The following WDR59 variants were observed in gnomAD, a reference collection of about 807,000 sequenced individuals.
The protein encoded by WDR59 is GATOR2 complex protein WDR59.
A neutral mutation model predicts 131.2 loss-of-function variants in WDR59; 100 were observed. The ratio of observed to expected loss-of-function variants is 0.76; its 90% CI spans 0.65 to 0.90. The LOEUF is 0.90. Among genes scored for constraint, WDR59 ranks in the 40% least tolerant of loss-of-function variants. The pLI is 0.00. For synonymous variants in WDR59, 601 were observed against 466.2 expected (o/e 1.29, Z -3.72); for missense variants, 1,203 against 1,262.2 (o/e 0.95, Z 0.71).
rs76833323 is a variant in WDR59, at chr16:74,875,204, G to A, written c.2690-760C>T. 6.1e-3 allele frequency among the ~76,000 whole-genome samples: 931 copies of A among 152,312 alleles called. 10 individuals are homozygous for A. The highest frequency in any genetic ancestry group is 0.021 in the African/African-American group (878 of 41,564). ...CAGGACACCGGGATGCCGCTCCACC[G>A]CCGGGCGGGGACTGGTTCCACTGGG... On this transcript the variant is annotated intron_variant, in intron 25 of 25. Transcript: ENST00000262144.
chr16:74,888,402 C>T lies in WDR59; in HGVS notation c.2196-83G>A, dbSNP rs1009945703. On this transcript the variant is annotated intron_variant, in intron 21 of 25. Coordinates refer to ENST00000262144, the MANE Select transcript of WDR59 (RefSeq NM_030581.4). ...CGGTCACAGTCATGGCGTGTTACTG[C>T]CACAGGGGTGGGAAGGGAGGAGTCT... The T allele has an allele frequency of 2.8e-6, 4 of 1,404,236 alleles. No individual in the cohort carries two copies. In the African/African-American group the frequency reaches 4.4e-5, roughly 15 times the overall value. 87.0% of individuals were successfully genotyped at this position (1,404,236 alleles called of 1,614,324 possible).
intron 18 of WDR59, among the ~76,000 whole-genome samples, chr16:74,897,660 C>T (rs767419492): frequency 2.6e-5 from 4 of 152,128 alleles, no homozygotes; most frequent in Non-Finnish European, 4.4e-5. Context: ...GGAGGTTCCC[C>T]AACAAAGGAT....
intron 4 of WDR59, among the ~76,000 whole-genome samples, chr16:74,950,702 G>A (rs548734597): frequency 2.9e-4 from 44 of 152,240 alleles, no homozygotes; most frequent in Middle Eastern, 3.4e-3. Context: ...ACTGGGAGGC[G>A]GCTGTGCCCT....
chr16:74,894,323 T>C (rs1457002353), intron 18 of WDR59, among the ~76,000 whole-genome samples: 1 of 152,132 alleles, frequency 6.6e-6, no homozygotes, highest in Non-Finnish European at 1.5e-5. Flanking sequence ...TTGAGGAGAA[T>C]TACCCCGTTT....
At chr16:74,961,169 C>T (rs962894939) in intron 2 of WDR59, among the ~76,000 whole-genome samples, 4 of 151,570 alleles carry the variant, frequency 2.6e-5, no homozygotes, top group Non-Finnish European at 5.9e-5. Context: ...GCCAGACAGG[C>T]GTGGTGGTAC....
intron 6 of WDR59, among the ~76,000 whole-genome samples, chr16:74,945,732 T>C (rs1311430984): frequency 2.0e-5 from 3 of 151,426 alleles, no homozygotes; most frequent in African/African-American, 4.9e-5. Flanking sequence ...TATCCGCGGG[T>C]CCACCTTCTA....
intron 8 of WDR59, among the ~76,000 whole-genome samples, chr16:74,927,756 TTGG>T (rs2030978805): frequency 6.7e-6 from 1 of 149,766 alleles, no homozygotes; most frequent in Non-Finnish European, 1.5e-5. Flanking sequence ...AGGGACACAC[TTGG>T]TGGCAGCAAG....
At chr16:74,981,052 G>A (rs2034382800) in intron 1 of WDR59, among the ~76,000 whole-genome samples, 1 of 139,234 alleles carries the variant, frequency 7.2e-6, no homozygotes, top group African/African-American at 2.6e-5. Flanking sequence ...AGAACGTAAA[G>A]CCCCATCTCT....
intron 17 of WDR59, among the ~76,000 whole-genome samples, chr16:74,908,575 TGTTA>T (rs918859700): frequency 9.2e-5 from 14 of 152,370 alleles, no homozygotes; most frequent in African/African-American, 1.9e-4. Context: ...TTTTATTTAA[TGTTA>T]GTTAAATTGA....
At chr16:74,894,226 G>A (rs544284574) in intron 18 of WDR59, among the ~76,000 whole-genome samples, 1 of 152,262 alleles carries the variant, frequency 6.6e-6, no homozygotes, top group African/African-American at 2.4e-5. Context: ...GTTTGAACAG[G>A]GTTTGTTGAA....
At chr16:74,939,432 T>C (rs1346227919) in intron 7 of WDR59, among the ~76,000 whole-genome samples, 1 of 152,020 alleles carries the variant, frequency 6.6e-6, no homozygotes, top group Non-Finnish European at 1.5e-5. Context: ...CAATATGATG[T>C]AGCCACTGAA....
chr16:74,875,905 C>T (rs1412425245), intron 25 of WDR59, among the ~76,000 whole-genome samples: 3 of 152,166 alleles, frequency 2.0e-5, no homozygotes, highest in African/African-American at 7.2e-5. Context: ...CAACACCTAG[C>T]CCTGCGCGGA....
intron 17 of WDR59, among the ~76,000 whole-genome samples, chr16:74,906,380 T>C (rs1359268344): frequency 6.8e-6 from 1 of 146,064 alleles, no homozygotes; most frequent in Non-Finnish European, 1.5e-5. Context: ...TTGAAAGGAC[T>C]AGCAATACCA....
At chr16:74,914,972 A>C (rs1489336205) in intron 13 of WDR59, among the ~76,000 whole-genome samples, 5 of 152,234 alleles carry the variant, frequency 3.3e-5, no homozygotes, top group African/African-American at 1.2e-4. Context: ...TCAAGCTTTA[A>C]AACTCCTTTC....
intron 3 of WDR59, among the ~76,000 whole-genome samples, chr16:74,954,573 T>G (rs866212896): frequency 6.6e-6 from 1 of 152,190 alleles, no homozygotes; most frequent in Non-Finnish European, 1.5e-5. Flanking sequence ...TTAGCCACTG[T>G]GGAAATAGTT....
In WDR59 at chr16:74,908,970, C is replaced by G; in HGVS notation, c.1650G>C (p.Leu550=). 1 of 1,613,636 alleles carries G rather than the reference C, an allele frequency of 6.2e-7. No individual in the cohort carries two copies. The highest frequency in any genetic ancestry group is 8.5e-7 in the Non-Finnish European group (1 of 1,179,884). The change falls in exon 17 of 26, where the codon CTG becomes CTC. Residue 550 remains leucine, a synonymous_variant. Transcript: ENST00000262144. The part of the protein sequence containing the change: ...SGARFCGAGY[L]VYFTRPMTMH... The stretch of plus-strand genomic sequence containing the variant: ...TTGTCATGGGCCTTGTGAAATATAC[C>G]AGGTAACCTAAAGGAGGAGACATCA...
intron 6 of WDR59, among the ~76,000 whole-genome samples, chr16:74,944,186 C>T (rs965187880): frequency 1.3e-5 from 2 of 152,112 alleles, no homozygotes; most frequent in African/African-American, 2.4e-5. Flanking sequence ...ATACCAGAGG[C>T]CAGGCGCAGT....
intron 1 of WDR59, among the ~76,000 whole-genome samples, chr16:74,966,636 A>C (rs1408943425): frequency 6.6e-6 from 1 of 151,942 alleles, no homozygotes; most frequent in Non-Finnish European, 1.5e-5. Flanking sequence ...CACCCAAGAC[A>C]CCCGTGACTT....
At chr16:74,972,220 T>C (rs772465554) in intron 1 of WDR59, among the ~76,000 whole-genome samples, 1 of 152,188 alleles carries the variant, frequency 6.6e-6, no homozygotes, top group South Asian at 2.1e-4. Context: ...TGAGAATTGA[T>C]GGTGATATTT....
Sources: gnomAD v4.1 joint callset for allele counts (sites outside exome capture counted in the v4.1 genomes callset) on GRCh38, gnomAD v4.1.1 for gene constraint, MANE v1.5 for transcripts, NCBI Gene and HGNC (gene_info 2026-07-23, HGNC 2026-07-21) for gene names.